Variants in PTN observed in about 807,000 individuals in gnomAD.
PTN encodes the protein heparin affin regulatory protein.
A neutral mutation model predicts 24.1 loss-of-function variants in PTN; 18 were observed. The ratio of observed to expected loss-of-function variants is 0.75; its 90% CI spans 0.52 to 1.11. The LOEUF (loss-of-function observed/expected upper bound fraction) is 1.11, where lower values mean the gene tolerates loss of function less well. Among genes scored for constraint, PTN ranks in the 50% least tolerant of loss-of-function variants. The pLI, the probability that PTN is intolerant of heterozygous loss-of-function variation, is 0.00. For missense variants in PTN, 163 were observed against 198.8 expected, an observed-to-expected ratio of 0.82 and a Z score of 1.08; for synonymous variants, 78 against 68.6, an observed-to-expected ratio of 1.14 and a Z score of -0.67.
Position 137,294,468 on chromosome 7 carries a change from G to A in PTN, c.-1-39494C>T, listed in dbSNP as rs925993934. On this transcript the variant is annotated intron_variant, in intron 1 of 4. Transcript: ENST00000348225. ...CAATAGCCTTGGTCCTGACATGTAA[G>A]TTTCCTTTTAAAATTTAGACTCTGT... 7.9e-5 allele frequency among the ~76,000 whole-genome samples: 12 copies of A among 152,220 alleles called. No homozygotes were observed. The South Asian group carries it at 2.5e-3, about 32-fold the overall frequency.
intron 1 of PTN, among the ~76,000 whole-genome samples, chr7:137,304,026 G>T (rs1208393698): frequency 1.3e-5 from 2 of 151,984 alleles, no homozygotes; most frequent in Non-Finnish European, 2.9e-5. Context: ...TCTGTACCTA[G>T]ACTGCACAAT....
At chr7:137,289,625 T>C (rs936833357) in intron 1 of PTN, among the ~76,000 whole-genome samples, 4 of 152,136 alleles carry the variant, frequency 2.6e-5, no homozygotes, top group Admixed American at 2.6e-4. Flanking sequence ...CCAAGGAAAT[T>C]CTACTGGCTT....
chr7:137,274,479 A>T (rs1306953964), intron 1 of PTN, among the ~76,000 whole-genome samples: 1 of 152,042 alleles, frequency 6.6e-6, no homozygotes, highest in Non-Finnish European at 1.5e-5. Flanking sequence ...CGTCACCTAC[A>T]TTAGGTATTT....
At chr7:137,286,799 C>T (rs955088650) in intron 1 of PTN, among the ~76,000 whole-genome samples, 2 of 152,154 alleles carry the variant, frequency 1.3e-5, no homozygotes, top group Non-Finnish European at 2.9e-5. Flanking sequence ...AAACTTTCTT[C>T]TTCAAAGCAT....
intron 1 of PTN, among the ~76,000 whole-genome samples, chr7:137,278,731 G>C (rs1357727535): frequency 1.3e-5 from 2 of 151,620 alleles, no homozygotes; most frequent in Admixed American, 1.3e-4. Flanking sequence ...ACTTGAGGTC[G>C]GAGCTTGAAA....
intron 1 of PTN, among the ~76,000 whole-genome samples, chr7:137,263,063 A>G (rs1809071101): frequency 6.6e-6 from 1 of 152,080 alleles, no homozygotes; most frequent in South Asian, 2.1e-4. Context: ...TGCTACTTAC[A>G]TCTTCTTGTG....
intron 1 of PTN, among the ~76,000 whole-genome samples, chr7:137,297,328 T>G (rs1247313934): frequency 1.3e-5 from 2 of 152,128 alleles, no homozygotes; most frequent in Admixed American, 6.6e-5. Context: ...TCTAAGACAC[T>G]GTGAGTAAAC....
intron 1 of PTN, among the ~76,000 whole-genome samples, chr7:137,324,362 T>C (rs1480507190): frequency 6.9e-6 from 1 of 144,546 alleles, no homozygotes; most frequent in Non-Finnish European, 1.5e-5. Flanking sequence ...GCAATGATTA[T>C]GCCTGTGAAT....
At chr7:137,318,356 C>G (rs750555794) in intron 1 of PTN, among the ~76,000 whole-genome samples, 1 of 152,174 alleles carries the variant, frequency 6.6e-6, no homozygotes, top group African/African-American at 2.4e-5. Flanking sequence ...CACTTCATCT[C>G]TCTCTTGCTG....
intron 4 of PTN, among the ~76,000 whole-genome samples, chr7:137,230,866 T>TA (rs1399106470): frequency 2.0e-5 from 3 of 151,942 alleles, no homozygotes; most frequent in Non-Finnish European, 4.4e-5. Context: ...TCTTCATACT[T>TA]ATGCTTATTT....
At chr7:137,324,433 A>AAAAATATATATATATATATATAT in intron 1 of PTN, among the ~76,000 whole-genome samples, 23 of 88,750 alleles carry the variant, frequency 2.6e-4, no homozygotes, top group African/African-American at 1.2e-3. Context: ...AAAAAAAAAA[A>AAAAATATATATATATATATATAT]ATATATATAT....
chr7:137,266,558 AC>A (rs1367745746), intron 1 of PTN, among the ~76,000 whole-genome samples: 1 of 152,064 alleles, frequency 6.6e-6, no homozygotes, highest in African/African-American at 2.4e-5. Context: ...TAAAAAAACA[AC>A]CAGTTAATTT....
chr7:137,328,949 A>C (rs1302547372), intron 1 of PTN, among the ~76,000 whole-genome samples: 1 of 152,194 alleles, frequency 6.6e-6, no homozygotes, highest in African/African-American at 2.4e-5. Flanking sequence ...GAATATCTTC[A>C]AATACTCACT....
At chr7:137,303,322 T>C (rs1014212825) in intron 1 of PTN, among the ~76,000 whole-genome samples, 9 of 151,972 alleles carry the variant, frequency 5.9e-5, no homozygotes, top group Non-Finnish European at 1.0e-4. Context: ...TATTTTATTG[T>C]AGACTCAGGT....
intron 1 of PTN, among the ~76,000 whole-genome samples, chr7:137,298,068 C>A (rs1359580144): frequency 6.6e-6 from 1 of 151,940 alleles, no homozygotes; most frequent in Non-Finnish European, 1.5e-5. Flanking sequence ...ACATAAAGTA[C>A]CTGGGTCAAG....
chr7:137,316,806 T>A (rs1452421452), intron 1 of PTN, among the ~76,000 whole-genome samples: 1 of 152,062 alleles, frequency 6.6e-6, no homozygotes, highest in African/African-American at 2.4e-5. Flanking sequence ...GCATCATAAA[T>A]CTCTAAGAAC....
At chr7:137,293,368 C>T (rs1168413800) in intron 1 of PTN, among the ~76,000 whole-genome samples, 3 of 152,096 alleles carry the variant, frequency 2.0e-5, no homozygotes, top group Non-Finnish European at 4.4e-5. Flanking sequence ...ACCTCCCAAG[C>T]AGTATAACTA....
In PTN at chr7:137,227,467, TAA is replaced by T. The variant is rs35754880; in HGVS notation, c.*551_*552del. The T allele has an allele frequency of 6.9e-5, 10 of 145,058 alleles. No individual in the cohort carries two copies. The highest frequency in any genetic ancestry group is 1.0e-4 in the African/African-American group (4 of 39,858). 9.0% of individuals were successfully genotyped at this position (145,058 alleles called of 1,614,324 possible). ...AATTTTATGTCTTAATGCTTTTCTT[TAA>T]AAAAAAAAAAAGTCAACATTGAACT... is the stretch of plus-strand genomic sequence containing the variant. On this transcript the variant is annotated 3_prime_UTR_variant, in exon 5 of 5. Coordinates refer to ENST00000348225, the MANE Select transcript of PTN (RefSeq NM_002825.7).
intron 4 of PTN, among the ~76,000 whole-genome samples, chr7:137,247,655 G>A (rs1808748195): frequency 6.6e-6 from 1 of 152,256 alleles, no homozygotes; most frequent in East Asian, 1.9e-4. Context: ...CAAAGAGTGT[G>A]ATTAGGTTGT....
Sources: gnomAD v4.1 joint callset for allele counts (sites outside exome capture counted in the v4.1 genomes callset) on GRCh38, gnomAD v4.1.1 for gene constraint, MANE v1.5 for transcripts, NCBI Gene and HGNC (gene_info 2026-07-23, HGNC 2026-07-21) for gene names.